The following CLUH variants were observed in gnomAD, a reference collection of about 807,000 sequenced individuals.
The protein encoded by CLUH is clustered mitochondria protein homolog.
In CLUH, 77 loss-of-function variants were observed where a neutral mutation model predicts 139.3. That is an observed-to-expected ratio of 0.55 (90% CI 0.46 to 0.67). The LOEUF is 0.67. Among genes scored for constraint, CLUH ranks in the 30% least tolerant of loss-of-function variants. The pLI is 0.00. For missense variants in CLUH, 1,876 were observed against 1,875.8 expected (o/e 1.00, Z 0.00); for synonymous variants, 999 against 801.6 (o/e 1.25, Z -4.16).
chr17:2,707,707 G>C lies in CLUH; in HGVS notation c.101-3143C>G, dbSNP rs2070388205. 1 of 985,256 alleles carries C rather than the reference G, an allele frequency of 1.0e-6. No individual in the cohort carries two copies. The highest frequency in any genetic ancestry group is 1.7e-5 in the African/African-American group (1 of 57,216). The allele number at this position is 985,256 out of a possible 1,614,324, so 61.0% of individuals were successfully genotyped here. ...AACAGGACCGCTTCTGCCAGCTGCC[G>C]CCAACAGCTGGCACAGACCCGGGTC... On this transcript the variant is annotated intron_variant, in intron 1 of 25. Transcript: ENST00000651024. The surrounding 1 kb of genome is among the most constrained non-coding windows in gnomAD (Gnocchi z 7.4).
At chr17:2,691,246 C>T (rs992335392) in intron 25 of CLUH, among the ~76,000 whole-genome samples, 7 of 152,138 alleles carry the variant, frequency 4.6e-5, no homozygotes, top group African/African-American at 1.2e-4. Context: ...TCTTCACTCG[C>T]GGAATGCGAG....
At position 2,706,747 on chromosome 17, in the gene CLUH, G is replaced by C. The variant is rs941914669; in HGVS notation, c.101-2183C>G. The stretch of plus-strand genomic sequence containing the variant: ...GGAACTGCCCCCACAGGGTCCCTGA[G>C]AAAGGCTGTGCTGGCTGCCAAGCCC... On this transcript the variant is annotated intron_variant, in intron 1 of 25. Transcript: ENST00000651024. This position sits in a 1 kb window ranked among gnomAD's most constrained non-coding sequence, Gnocchi z 4.6. Among the ~76,000 whole-genome samples, 6 of 152,050 alleles carry C rather than the reference G, an allele frequency of 3.9e-5. No homozygotes were observed. The highest frequency in any genetic ancestry group is 7.4e-5 in the Non-Finnish European group (5 of 68,022).
At chr17:2,700,901 C>T in intron 7 of CLUH, 76 bp from the exon 8 acceptor site, 2 of 1,479,672 alleles carry the variant, frequency 1.4e-6, no homozygotes, top group South Asian at 2.7e-5. Flanking sequence ...TTTTCTGAGG[C>T]CCCCGCCTGC....
Position 2,692,031 on chromosome 17 carries a change from C to A in CLUH, c.3627G>T (p.Lys1209Asn). The A allele has an allele frequency of 6.3e-7, 1 of 1,592,966 alleles. No homozygotes were observed. Among genetic ancestry groups the A allele is most frequent in the South Asian group, 1.1e-5 (1 of 88,724 alleles). Residue 1209 changes from lysine to asparagine, a missense_variant, in exon 23 of 26, where the codon AAG (lysine) becomes AAT (asparagine). Coordinates refer to ENST00000651024, the MANE Select transcript of CLUH (RefSeq NM_001366661.1). ...AEFRSALQHE[K>N]EGYTIYKTQL... ...GCGTCTTGTAGATGGTGTAACCCTC[C>A]TTCTCGTGCTGCAGGGCCGACCGGA...
intron 1 of CLUH, among the ~76,000 whole-genome samples, chr17:2,709,759 T>G (rs781201199): frequency 2.0e-5 from 3 of 152,090 alleles, no homozygotes; most frequent in Non-Finnish European, 4.4e-5. Flanking sequence ...GTTCTGATGC[T>G]CAGGTGGGCC....
chr17:2,701,751 G>A lies in CLUH; in HGVS notation c.620-14C>T, dbSNP rs942751108. ...GCTTCCCGCTGTCTGAGGGACCCGAGGCTGGTGGTCAGCACAGGGCCACCC... is the reference window on the plus strand; with the variant it reads ...GCTTCCCGCTGTCTGAGGGACCCGAAGCTGGTGGTCAGCACAGGGCCACCC... On this transcript the variant is annotated splice_polypyrimidine_tract_variant and intron_variant, in intron 4 of 25. Coordinates refer to ENST00000651024, the MANE Select transcript of CLUH (RefSeq NM_001366661.1). 6 of 1,557,346 alleles carry A rather than the reference G, an allele frequency of 3.9e-6. No homozygotes were observed. Among genetic ancestry groups the A allele is most frequent in the Admixed American group, 1.8e-5 (1 of 54,256 alleles).
In CLUH at chr17:2,694,032, C is replaced by T. The variant is rs1295825652; in HGVS notation, c.3099G>A (p.Leu1033=). ...SGQAKVQQGF[L]KEGCELINEA... ...CATTGATGAGCTCACAGCCCTCCTT[C>T]AGGAAGCCTGCAGGGCACCCCCAGG... Residue 1033 remains leucine (L), a synonymous_variant, in exon 19 of 26, where the codon CTG becomes CTA. Coordinates refer to ENST00000651024, the MANE Select transcript of CLUH (RefSeq NM_001366661.1). 6.2e-7 allele frequency: 1 copy of T among 1,613,970 alleles called. No individual in the cohort carries two copies. Among genetic ancestry groups the T allele is most frequent in the Non-Finnish European group, 8.5e-7 (1 of 1,179,868 alleles).
rs1450472987 is a variant in CLUH, at chr17:2,697,896, C to T, written c.1961G>A (p.Arg654Lys). The stretch of plus-strand genomic sequence containing the variant: ...CTGGTCCGGCAGGGCCGCCCCTCAC[C>T]TGTGCTCCACGAAGGCGTCCACCAG... ...QELVDAFVEH[R>K]YLLFMKLAAL... Residue 654 changes from arginine (R) to lysine (K), a missense_variant and splice_region_variant, in exon 10 of 26, where the codon AGG (arginine) becomes AAG (lysine). Physicochemically the swap from Arg to Lys is conservative, Grantham distance 26. Transcript: ENST00000651024. The T allele has an allele frequency of 2.0e-6, 3 of 1,496,680 alleles. No individual in the cohort carries two copies. The East Asian group carries it at 7.4e-5, about 37-fold the overall frequency. 92.7% of individuals were successfully genotyped at this position (1,496,680 alleles called of 1,614,324 possible). A position where few individuals can be genotyped will look rare whatever the true frequency, so the allele number is the denominator to read the frequency against.
At chr17:2,695,619 TGGAGAAGGACCCCGAAGGCTCC>T in intron 13 of CLUH, 93 bp from the exon 14 acceptor site, 1 of 1,424,404 alleles carries the variant, frequency 7.0e-7, no homozygotes, top group Non-Finnish European at 9.3e-7. Flanking sequence ...TGGGAGGCCC[TGGAGAAGGACCCCGAAGGCTCC>T]AGCTCCCAGT....
At chr17:2,692,918 C>T (rs1250038880) in intron 19 of CLUH, 58 bp from the exon 20 acceptor site, 10 of 1,481,228 alleles carry the variant, frequency 6.8e-6, no homozygotes, top group Non-Finnish European at 8.1e-6. Flanking sequence ...ACCCAGAGCC[C>T]GCCTGGCCCC....
At position 2,695,074 on chromosome 17, in the gene CLUH, C is replaced by T. The variant is rs776754848; in HGVS notation, c.2635G>A (p.Ala879Thr). 2.5e-6 allele frequency: 4 copies of T among 1,612,192 alleles called. No homozygotes were observed. The highest frequency in any genetic ancestry group is 3.4e-6 in the Non-Finnish European group (4 of 1,179,180). ...AAGCAGTTCAGGAAGTGGCTGATGGCGGCTGAGAGGCCGGAGAGCTCGACT... is the reference window on the plus strand; with the variant it reads ...AAGCAGTTCAGGAAGTGGCTGATGGTGGCTGAGAGGCCGGAGAGCTCGACT... ...QGVELSGLSA[A>T]ISHFLNCFLS... Residue 879 changes from alanine (A) to threonine (T), a missense_variant, in exon 16 of 26, where the codon GCC becomes ACC. By Grantham distance (58) the Ala-to-Thr change is moderately conservative (BLOSUM62 0). Coordinates refer to ENST00000651024, the MANE Select transcript of CLUH (RefSeq NM_001366661.1).
At chr17:2,708,746 C>G (rs1032527960) in intron 1 of CLUH, among the ~76,000 whole-genome samples, 2 of 152,052 alleles carry the variant, frequency 1.3e-5, no homozygotes, top group African/African-American at 4.8e-5. Flanking sequence ...CCCATGGACC[C>G]GCTCCCACTG....
Position 2,690,303 on chromosome 17 carries a change from G to A in CLUH, c.*291C>T, listed in dbSNP as rs556201893. On this transcript the variant is annotated 3_prime_UTR_variant, in exon 26 of 26. Transcript: ENST00000651024. ...AGGGGCGCACTCGCACACGCCGGCC[G>A]GACGGCGGGGGCCGAAGCAACACCT... The A allele has an allele frequency of 1.6e-5, 6 of 375,632 alleles. No homozygotes were observed. Among genetic ancestry groups the A allele is most frequent in the South Asian group, 9.0e-5 (1 of 11,148 alleles). The allele number at this position is 375,632 out of a possible 1,614,324, so 23.3% of individuals were successfully genotyped here. A position where few individuals can be genotyped will look rare whatever the true frequency, so the allele number is the denominator to read the frequency against.
Position 2,711,605 on chromosome 17 carries a change from T to C in CLUH, c.57A>G (p.Glu19=), listed in dbSNP as rs1353113511. 2.0e-5 allele frequency: 20 copies of C among 982,072 alleles called. No individual in the cohort carries two copies. Among genetic ancestry groups the C allele is most frequent in the Non-Finnish European group, 2.3e-5 (19 of 828,844 alleles). 60.8% of individuals were successfully genotyped at this position (982,072 alleles called of 1,614,324 possible). ...CCTTGCCCCCGGCCTGCGAGCCGTG[T>C]TCCCGGGCGCTGTCGGCCGGGGCGG... ...PAAAPADSAR[E]HGSQAGGKGR... Residue 19 remains glutamate (E), a synonymous_variant, in exon 1 of 26, where the codon GAA becomes GAG. Coordinates refer to ENST00000651024, the MANE Select transcript of CLUH (RefSeq NM_001366661.1).
rs370762382 is a variant in CLUH, at chr17:2,711,756, G to C, written c.-95C>G. 1.2e-5 allele frequency: 5 copies of C among 427,032 alleles called. No homozygotes were observed. The highest frequency in any genetic ancestry group is 2.2e-5 in the African/African-American group (1 of 46,426). 26.5% of individuals were successfully genotyped at this position (427,032 alleles called of 1,614,324 possible). ...GCGCCGCGGCTGCTGAGGGAAGGACGGAGTCACCGGCCCACGTGGTGCGCG... is the reference window on the plus strand; with the variant it reads ...GCGCCGCGGCTGCTGAGGGAAGGACCGAGTCACCGGCCCACGTGGTGCGCG... On this transcript the variant is annotated 5_prime_UTR_variant, in exon 1 of 26. Transcript: ENST00000651024.
Position 2,703,515 on chromosome 17 carries a change from C to T in CLUH, c.304-26G>A, listed in dbSNP as rs534598485. The T allele has an allele frequency of 1.9e-6, 3 of 1,606,312 alleles. No individual in the cohort carries two copies. Among genetic ancestry groups the T allele is most frequent in the Non-Finnish European group, 2.6e-6 (3 of 1,175,296 alleles). ...CTGCAGGGAGAAGGCCCCGCCCACC[C>T]CGGTGAGAGAGCACGTAGCGGGGAG... On this transcript the variant is annotated intron_variant, in intron 2 of 25. Transcript: ENST00000651024. The surrounding 1 kb of genome is among the most constrained non-coding windows in gnomAD (Gnocchi z 4.2).
rs374334038 is a variant in CLUH at position 2,702,053 on chromosome 17, C to T, written c.480G>A (p.Pro160=). 5.3e-5 allele frequency: 85 copies of T among 1,613,098 alleles called. No individual in the cohort carries two copies. In the East Asian group the frequency reaches 9.8e-4, roughly 19 times the overall value. The change falls in exon 4 of 26, where the codon CCG becomes CCA. Residue 160 remains proline (P), a synonymous_variant. Transcript: ENST00000651024. ...GGATGCGGGCCTCACGCACCGTGTA[C>T]GGCTCTGTCAGGAAGGCAGGGAGGG... ...EGSVLRVVEE[P]YTVREARIHV... is the part of the protein sequence containing the mutation.
intron 9 of CLUH, 134 bp downstream of exon 9, chr17:2,700,248 G>A (rs915922273): frequency 5.8e-5 from 43 of 747,694 alleles, no homozygotes; most frequent in Admixed American, 1.8e-4. Flanking sequence ...TGCGGGAGAC[G>A]CTGACTGGCC....
At chr17:2,701,109 G>A (rs2070161643) in intron 7 of CLUH, 31 bp downstream of exon 7, 1 of 1,613,308 alleles carries the variant, frequency 6.2e-7, no homozygotes. Flanking sequence ...CGTGTGCCAT[G>A]AGACAAGGCG....
Sources: gnomAD v4.1 joint callset for allele counts (sites outside exome capture counted in the v4.1 genomes callset) on GRCh38, gnomAD v4.1.1 for gene constraint, Gnocchi (gnomAD v3.1) non-coding constraint, MANE v1.5 for transcripts, NCBI Gene and HGNC (gene_info 2026-07-23, HGNC 2026-07-21) for gene names.